CEP57: variants seen among roughly 807,000 people sequenced by gnomAD.
CEP57 encodes the protein centrosomal protein 57.
CEP57 carries 40 observed loss-of-function variants against 68.0 expected under a neutral mutation model. That is an observed-to-expected ratio of 0.59 (90% CI 0.46 to 0.77). The LOEUF (loss-of-function observed/expected upper bound fraction) is 0.77, where lower values mean the gene tolerates loss of function less well. CEP57 is among the 30% of genes least tolerant of loss of function. CEP57 has a pLI of 0.00. For missense variants in CEP57, 606 were observed against 580.7 expected (o/e 1.04, Z -0.45); for synonymous variants, 219 against 198.7 (o/e 1.10, Z -0.86).
chr11:95,810,195 G>A lies in CEP57; in HGVS notation c.203-2737G>A, dbSNP rs530980610. On this transcript the variant is annotated intron_variant, in intron 2 of 10. Coordinates refer to ENST00000325542, the MANE Select transcript of CEP57 (RefSeq NM_014679.5). ...TCAATAAACTAGGTATTGATGGGAC[G>A]TATCTCAAAACAATATGAGTGATTT... Among the ~76,000 whole-genome samples, 7 of 152,208 alleles carry A rather than the reference G, an allele frequency of 4.6e-5. No homozygotes were observed. In the East Asian group the frequency reaches 1.2e-3, roughly 25 times the overall value.
intron 7 of CEP57, 130 bp downstream of exon 7, chr11:95,822,108 G>T (rs1289135065): frequency 2.8e-6 from 2 of 726,256 alleles, no homozygotes; most frequent in African/African-American, 3.6e-5. Context: ...TCTTCATTCA[G>T]AAGGTGGAGA....
intron 4 of CEP57, among the ~76,000 whole-genome samples, chr11:95,815,900 T>C (rs1215664445): frequency 6.6e-6 from 1 of 152,230 alleles, no homozygotes; most frequent in African/African-American, 2.4e-5. Context: ...TTCCTGCACA[T>C]TTTATGTACC....
chr11:95,798,829 A>T (rs545286957), intron 1 of CEP57, among the ~76,000 whole-genome samples: 3 of 152,334 alleles, frequency 2.0e-5, no homozygotes, highest in African/African-American at 7.2e-5. Flanking sequence ...ATAAATATTC[A>T]AGTAGTAGTT....
rs1047306549 is a variant in CEP57 at position 95,827,874 on chromosome 11, G to A, written c.974G>A (p.Arg325Gln). 8.1e-6 allele frequency: 13 copies of A among 1,614,038 alleles called. No homozygotes were observed. Among genetic ancestry groups the A allele is most frequent in the East Asian group, 2.2e-5 (1 of 44,874 alleles). ...KQHSKALCND[R>Q]VINSIPLAKQ... ...CACAGTAAAGCTTTGTGCAATGATC[G>A]AGTCATCAACAGTATTCCTTTGGCA... The change falls in exon 9 of 11, where the codon CGA becomes CAA. Residue 325 changes from arginine (R) to glutamine (Q), a missense_variant. Arg to Gln is a conservative substitution (Grantham distance 43). Coordinates refer to ENST00000325542, the MANE Select transcript of CEP57 (RefSeq NM_014679.5).
intron 2 of CEP57, among the ~76,000 whole-genome samples, chr11:95,803,908 A>T (rs1166820997): frequency 1.3e-5 from 2 of 152,084 alleles, no homozygotes; most frequent in African/African-American, 2.4e-5. Context: ...TTGTCAAAGG[A>T]TAGTAAAGTT....
intron 2 of CEP57, among the ~76,000 whole-genome samples, chr11:95,810,560 G>C (rs1434925784): frequency 6.6e-6 from 1 of 151,928 alleles, no homozygotes. Context: ...ACCAATAACA[G>C]ACACACAGCC....
rs1862559587 is a variant in CEP57 at position 95,822,533 on chromosome 11, A to G, written c.842A>G (p.His281Arg). 4 of 1,613,814 alleles carry G rather than the reference A, an allele frequency of 2.5e-6. No individual in the cohort carries two copies. In the East Asian group the frequency reaches 6.7e-5, roughly 27 times the overall value. The change falls in exon 8 of 11, where the codon CAT becomes CGT. Residue 281 changes from histidine (H) to arginine (R), a missense_variant. Coordinates refer to ENST00000325542, the MANE Select transcript of CEP57 (RefSeq NM_014679.5). ...SSRNYFGAQP[H>R]YRLCLGDMPF... Reference sequence around the variant, plus strand: ...AGGAACTATTTTGGTGCACAACCACATTATAGATTATGCTTGGGTGATATG... The same window carrying G: ...AGGAACTATTTTGGTGCACAACCACGTTATAGATTATGCTTGGGTGATATG...
chr11:95,829,747 A>T (rs1403685146), intron 10 of CEP57, among the ~76,000 whole-genome samples: 1 of 152,210 alleles, frequency 6.6e-6, no homozygotes, highest in East Asian at 1.9e-4. Flanking sequence ...TACCAGATGC[A>T]GTGGTGACAT....
rs1860973047 is a variant in CEP57 at position 95,790,550 on chromosome 11, G to A, written c.-149G>A. 2.2e-6 allele frequency: 2 copies of A among 894,746 alleles called. No homozygotes were observed. The highest frequency in any genetic ancestry group is 2.6e-5 in the East Asian group (1 of 37,852). 55.4% of individuals were successfully genotyped at this position (894,746 alleles called of 1,614,324 possible). On this transcript the variant is annotated 5_prime_UTR_variant, in exon 1 of 11. Transcript: ENST00000325542. ...GGCCCTGAGGGGGTGTGTTGCAGGG[G>A]TTTCCAAGCCCAGCACCAGCACCCT...
chr11:95,794,939 C>T (rs1408160368), intron 1 of CEP57, among the ~76,000 whole-genome samples: 1 of 152,126 alleles, frequency 6.6e-6, no homozygotes, highest in East Asian at 1.9e-4. Context: ...CATCCTATCC[C>T]CAATGGTTTG....
chr11:95,824,808 A>T (rs1339126001), intron 8 of CEP57, among the ~76,000 whole-genome samples: 1 of 152,216 alleles, frequency 6.6e-6, no homozygotes, highest in Non-Finnish European at 1.5e-5. Flanking sequence ...GCCCTTATCT[A>T]TAAAGCTGCT....
chr11:95,814,560 A>G (rs1001621913), intron 4 of CEP57, among the ~76,000 whole-genome samples: 4 of 151,712 alleles, frequency 2.6e-5, no homozygotes, highest in South Asian at 2.1e-4. Flanking sequence ...GGGTTTCACC[A>G]TGTTGGTCAG....
At chr11:95,801,979 A>C (rs570382097) in intron 2 of CEP57, among the ~76,000 whole-genome samples, 70 of 152,330 alleles carry the variant, frequency 4.6e-4, no homozygotes, top group African/African-American at 1.5e-3. Flanking sequence ...AACGATACTT[A>C]CTTTCCAAAT....
chr11:95,822,049 C>T, intron 7 of CEP57, 71 bp downstream of exon 7: 1 of 1,001,522 alleles, frequency 1.0e-6, no homozygotes, highest in Non-Finnish European at 1.6e-6. Context: ...CACCCATAAA[C>T]TGTGTGGTGT....
At chr11:95,807,457 G>T (rs1028206138) in intron 2 of CEP57, among the ~76,000 whole-genome samples, 2 of 152,114 alleles carry the variant, frequency 1.3e-5, no homozygotes, top group Non-Finnish European at 2.9e-5. Flanking sequence ...TTGCAAAGAA[G>T]CTAAAAACCT....
At chr11:95,822,346 T>TA (rs1862552635) in intron 7 of CEP57, 153 bp from the exon 8 acceptor site, 1 of 656,614 alleles carries the variant, frequency 1.5e-6, no homozygotes, top group Non-Finnish European at 2.7e-6. Context: ...TGCTAACAAG[T>TA]ACTATTAGGA....
chr11:95,801,591 T>C (rs992904324), intron 2 of CEP57, among the ~76,000 whole-genome samples: 15 of 152,014 alleles, frequency 9.9e-5, no homozygotes, highest in Non-Finnish European at 1.0e-4. Context: ...GAATTAGATA[T>C]TAATCCTTCA....
At chr11:95,795,420 T>C (rs1229444479) in intron 1 of CEP57, 5 of 400,482 alleles carry the variant, frequency 1.2e-5, no homozygotes, top group Non-Finnish European at 1.3e-5. Context: ...ATTCTCATAA[T>C]TGAGGATTTT....
intron 8 of CEP57, 78 bp downstream of exon 8, chr11:95,822,654 A>G (rs1483384760): frequency 5.7e-6 from 5 of 871,554 alleles, no homozygotes; most frequent in African/African-American, 1.7e-5. Context: ...AAGTATGTCT[A>G]CAAATGGAAG....
Sources: allele counts gnomAD v4.1 joint callset (sites outside exome capture counted in the v4.1 genomes callset), GRCh38; gene constraint gnomAD v4.1.1; transcripts MANE v1.5; gene names NCBI Gene and HGNC (gene_info 2026-07-23, HGNC 2026-07-21).